Variants in RAB27B observed in about 807,000 individuals in gnomAD.
The protein encoded by RAB27B is ras-related protein Rab-27B.
RAB27B carries 15 observed loss-of-function variants against 24.6 expected under a neutral mutation model. The ratio of observed to expected loss-of-function variants is 0.61; its 90% CI spans 0.41 to 0.94. The LOEUF is 0.94. Ranked by LOEUF, RAB27B falls within the 40% of genes least tolerant of loss-of-function variation. The pLI, the probability that RAB27B is intolerant of heterozygous loss-of-function variation, is 0.00. For synonymous variants in RAB27B, 105 were observed against 92.5 expected (o/e 1.14, Z -0.78); for missense variants, 261 against 266.8 (o/e 0.98, Z 0.15).
intron 1 of RAB27B, among the ~76,000 whole-genome samples, chr18:54,858,255 A>T (rs1454562512): frequency 6.6e-6 from 1 of 151,760 alleles, no homozygotes; most frequent in Non-Finnish European, 1.5e-5. Flanking sequence ...CTATTTTGTT[A>T]TCCTATGCGT....
intron 2 of RAB27B, among the ~76,000 whole-genome samples, chr18:54,772,724 A>G (rs1444689468): frequency 6.6e-6 from 1 of 152,202 alleles, no homozygotes; most frequent in Non-Finnish European, 1.5e-5. Context: ...TGCATAATCA[A>G]TACTATAAGC....
At chr18:54,729,855 A>G (rs1909672809) in intron 2 of RAB27B, among the ~76,000 whole-genome samples, 1 of 152,072 alleles carries the variant, frequency 6.6e-6, no homozygotes, top group South Asian at 2.1e-4. Flanking sequence ...AGACAAAAGG[A>G]CAAAAAAAAA....
intron 1 of RAB27B, among the ~76,000 whole-genome samples, chr18:54,869,783 G>C (rs1270182441): frequency 2.0e-5 from 3 of 152,156 alleles, no homozygotes; most frequent in African/African-American, 7.2e-5. Context: ...GAAATGTCAA[G>C]TAGGAAATAA....
At chr18:54,815,483 A>C (rs1691424802) in intron 2 of RAB27B, among the ~76,000 whole-genome samples, 1 of 152,198 alleles carries the variant, frequency 6.6e-6, no homozygotes, top group Non-Finnish European at 1.5e-5. Context: ...CCTGGGAGAT[A>C]CAGTCTCAAA....
chr18:54,781,284 A>T (rs1598899817), intron 2 of RAB27B, among the ~76,000 whole-genome samples: 1 of 151,948 alleles, frequency 6.6e-6, no homozygotes, highest in African/African-American at 2.4e-5. Context: ...TTGGGTTCTT[A>T]GTGTCGGTTT....
chr18:54,864,787 C>T (rs1292254003), intron 1 of RAB27B, among the ~76,000 whole-genome samples: 1 of 152,264 alleles, frequency 6.6e-6, no homozygotes, highest in Admixed American at 6.5e-5. Context: ...GTGCTACACT[C>T]TCTTGATTAC....
chr18:54,784,965 T>C (rs1371338024), intron 2 of RAB27B, among the ~76,000 whole-genome samples: 1 of 152,210 alleles, frequency 6.6e-6, no homozygotes, highest in African/African-American at 2.4e-5. Flanking sequence ...TACCATTACT[T>C]TGCCTACCTC....
chr18:54,785,436 GTTTTTT>G lies in RAB27B; in HGVS notation c.-20+67312_-20+67317del, dbSNP rs59750951. On this transcript the variant is annotated intron_variant, in intron 2 of 4. Transcript: ENST00000586570. ...TGTTCTTTGCTCTCACCTTCCTCAGGTTTTTTTTTTTTTTTTTTTTTTCCAAAATGC... is the reference window on the plus strand; with the variant it reads ...TGTTCTTTGCTCTCACCTTCCTCAGGTTTTTTTTTTTTTTTTCCAAAATGC... Among the ~76,000 whole-genome samples, 732 of 101,710 alleles carry G rather than the reference GTTTTTT, an allele frequency of 7.2e-3. 6 individuals carry two copies. Among genetic ancestry groups the G allele is most frequent in the African/African-American group, 0.028 (714 of 25,906 alleles). 66.7% of individuals were successfully genotyped at this position (101,710 alleles called of 152,430 possible).
intron 1 of RAB27B, among the ~76,000 whole-genome samples, chr18:54,850,861 AGTGTT>A (rs971462228): frequency 1.3e-5 from 2 of 151,296 alleles, no homozygotes; most frequent in African/African-American, 4.9e-5. Context: ...TCCTAAAGAG[AGTGTT>A]GTGTTGTGTT....
At chr18:54,848,414 C>T (rs892259822) in intron 1 of RAB27B, among the ~76,000 whole-genome samples, 3 of 152,076 alleles carry the variant, frequency 2.0e-5, no homozygotes, top group African/African-American at 7.2e-5. Flanking sequence ...GGAATTTATT[C>T]ATAAATAGAT....
intron 1 of RAB27B, among the ~76,000 whole-genome samples, chr18:54,868,694 A>T (rs6566903): frequency 0.97 from 147,728 of 152,106 alleles, 71,884 homozygotes; most frequent in East Asian, 1. Context: ...CGTGATCTCA[A>T]CTCACTGCAA....
At chr18:54,767,001 C>T (rs2145061882) in intron 2 of RAB27B, among the ~76,000 whole-genome samples, 1 of 152,172 alleles carries the variant, frequency 6.6e-6, no homozygotes, top group African/African-American at 2.4e-5. Context: ...CCAAAGCTGA[C>T]CAGGAACTTT....
chr18:54,846,494 A>AT (rs1911343894), intron 1 of RAB27B, among the ~76,000 whole-genome samples: 1 of 152,352 alleles, frequency 6.6e-6, no homozygotes, highest in African/African-American at 2.4e-5. Flanking sequence ...AGGAATAGAG[A>AT]TAAAAATGCA....
At chr18:54,820,819 T>C (rs1226699557) in intron 2 of RAB27B, among the ~76,000 whole-genome samples, 1 of 152,236 alleles carries the variant, frequency 6.6e-6, no homozygotes, top group Non-Finnish European at 1.5e-5. Context: ...GGATCCAGTT[T>C]CAGCTTTCTA....
intron 1 of RAB27B, among the ~76,000 whole-genome samples, chr18:54,857,280 A>G (rs1911822497): frequency 1.3e-5 from 2 of 151,866 alleles, no homozygotes; most frequent in South Asian, 4.2e-4. Context: ...TTTACAAAAA[A>G]CTCTCTCCTC....
chr18:54,883,740 A>T (rs910396204), intron 3 of RAB27B, among the ~76,000 whole-genome samples: 3 of 152,140 alleles, frequency 2.0e-5, no homozygotes, highest in Admixed American at 6.6e-5. Context: ...ACCCCCACTC[A>T]GTCCTCCAAT....
intron 2 of RAB27B, among the ~76,000 whole-genome samples, chr18:54,745,939 T>G (rs370761537): frequency 8.6e-5 from 13 of 151,128 alleles, no homozygotes; most frequent in African/African-American, 3.2e-4. Flanking sequence ...AGATGGATAC[T>G]GCAGTCTGGT....
At chr18:54,848,269 T>C (rs919942943) in intron 1 of RAB27B, among the ~76,000 whole-genome samples, 1 of 152,222 alleles carries the variant, frequency 6.6e-6, no homozygotes, top group African/African-American at 2.4e-5. Context: ...ATACACATTC[T>C]GGAAGAGTGA....
chr18:54,819,707 G>C (rs1345670700), intron 2 of RAB27B, among the ~76,000 whole-genome samples: 2 of 151,620 alleles, frequency 1.3e-5, no homozygotes, highest in Non-Finnish European at 2.9e-5. Context: ...TGCCATGTTG[G>C]TGTGCTGCAC....
Sources: allele counts gnomAD v4.1 joint callset (sites outside exome capture counted in the v4.1 genomes callset), GRCh38; gene constraint gnomAD v4.1.1; transcripts MANE v1.5; gene names NCBI Gene and HGNC (gene_info 2026-07-23, HGNC 2026-07-21).